ZNF701: variants seen among roughly 807,000 people sequenced by gnomAD.
ZNF701 encodes the protein zinc finger protein 701.
Under a neutral mutation model 7.1 loss-of-function variants are expected in ZNF701, and 6 were observed. The observed-to-expected ratio is 0.84, with a 90% confidence interval of 0.46 to 1.66. The LOEUF (loss-of-function observed/expected upper bound fraction) is 1.66, where lower values mean the gene tolerates loss of function less well. Ranked by LOEUF, ZNF701 falls within the 40% of genes most tolerant of loss-of-function variation. The probability of loss-of-function intolerance (pLI) is 0.01; values close to 1 mark genes in which losing one functional copy is unlikely to be tolerated. For synonymous variants in ZNF701, 166 were observed against 188.2 expected (o/e 0.88, Z 0.97); for missense variants, 541 against 559.2 (o/e 0.97, Z 0.33).
At chr19:52,578,039 G>C (rs1299025488) in intron 3 of ZNF701, among the ~76,000 whole-genome samples, 2 of 151,968 alleles carry the variant, frequency 1.3e-5, no homozygotes, top group African/African-American at 2.4e-5. Flanking sequence ...CAGATCAAGA[G>C]GTCAGGAGAT....
At chr19:52,570,808 A>AC (rs1289580581) in intron 1 of ZNF701, 4 of 152,204 alleles carry the variant, frequency 2.6e-5, no homozygotes, top group African/African-American at 9.7e-5. Context: ...GCCTTGCTGC[A>AC]CCCCAAGTCT....
At chr19:52,571,193 C>G (rs1296318054) in intron 1 of ZNF701, among the ~76,000 whole-genome samples, 1 of 150,258 alleles carries the variant, frequency 6.7e-6, no homozygotes, top group Non-Finnish European at 1.5e-5. Context: ...GGACAGACAG[C>G]AAGGTAGAGA....
the ZNF701 span, among the ~76,000 whole-genome samples, chr19:52,599,553 A>G: frequency 2.0e-5 from 3 of 152,168 alleles, no homozygotes; most frequent in African/African-American, 7.2e-5. Context: ...CTTGAAGTGT[A>G]TCTATCCGTA....
chr19:52,574,950 A>G (rs995054221), intron 2 of ZNF701, among the ~76,000 whole-genome samples: 1 of 89,016 alleles, frequency 1.1e-5, no homozygotes, highest in African/African-American at 8.1e-5. Context: ...CAAAATTTGC[A>G]TATATATATA....
At chr19:52,590,266 A>G (rs2060031946), downstream of ZNF701, among the ~76,000 whole-genome samples, 1 of 148,854 alleles carries the variant, frequency 6.7e-6, no homozygotes, top group African/African-American at 2.5e-5. Context: ...ACAACCAGCT[A>G]ATCTTTGTAT....
chr19:52,575,329 C>CAT (rs59297203), intron 2 of ZNF701, among the ~76,000 whole-genome samples: 34,385 of 151,512 alleles, frequency 0.23, 5,348 homozygotes, highest in African/African-American at 0.45. Context: ...TATACACACA[C>CAT]ATATATACAT....
At chr19:52,591,126 C>T (rs1354870768), downstream of ZNF701, among the ~76,000 whole-genome samples, 1 of 152,080 alleles carries the variant, frequency 6.6e-6, no homozygotes, top group Non-Finnish European at 1.5e-5. Context: ...GTGTGAGCCA[C>T]CACGCCTGGC....
intron 3 of ZNF701, among the ~76,000 whole-genome samples, chr19:52,581,216 C>T (rs548420516): frequency 2.0e-5 from 3 of 152,214 alleles, no homozygotes; most frequent in South Asian, 2.1e-4. Flanking sequence ...TAGAAAAATA[C>T]GGTGTTAACA....
At chr19:52,571,646 C>T (rs751745790) in intron 1 of ZNF701, among the ~76,000 whole-genome samples, 1 of 152,068 alleles carries the variant, frequency 6.6e-6, no homozygotes, top group Non-Finnish European at 1.5e-5. Flanking sequence ...AGGCGTGAGC[C>T]ACCGCACCTG....
chr19:52,570,494 T>A (rs747804659), intron 1 of ZNF701, among the ~76,000 whole-genome samples, 164 bp downstream of exon 1: 2 of 152,230 alleles, frequency 1.3e-5, no homozygotes, highest in Non-Finnish European at 2.9e-5. Context: ...CTTCCTTTTG[T>A]GTTTAAAGTC....
rs2060016561 is a variant in ZNF701 at position 52,587,005 on chromosome 19, C to G, written c.*3548C>G. ...TCTCCGCAGCTCTCTGCTGGGACAT[C>G]AAACAGGCATCTCCACCTTCATGTG... On this transcript the variant is annotated 3_prime_UTR_variant, in exon 4 of 4. Transcript: ENST00000391785. The G allele has an allele frequency of 6.6e-6, 1 of 152,198 alleles. No homozygotes were observed. Among genetic ancestry groups the G allele is most frequent in the Non-Finnish European group, 1.5e-5 (1 of 68,066 alleles). 9.4% of individuals were successfully genotyped at this position (152,198 alleles called of 1,614,324 possible).
At chr19:52,595,453 G>A in the ZNF701 span, among the ~76,000 whole-genome samples, 4 of 151,826 alleles carry the variant, frequency 2.6e-5, no homozygotes, top group African/African-American at 7.3e-5. Context: ...TGTATTTTTA[G>A]TACAGATAGG....
rs1469483276 is a variant in ZNF701 at position 52,585,064 on chromosome 19, C to G, written c.*1607C>G. On this transcript the variant is annotated 3_prime_UTR_variant, in exon 4 of 4. Transcript: ENST00000391785. Reference sequence around the variant, plus strand: ...CCGGCCCCTCTTTCTCAACTCAGAGCAAATTGAGACGTCCGGGTGGGAGTC... The same window carrying G: ...CCGGCCCCTCTTTCTCAACTCAGAGGAAATTGAGACGTCCGGGTGGGAGTC... 2 of 152,252 alleles carry G rather than the reference C, an allele frequency of 1.3e-5. No individual in the cohort carries two copies. Among genetic ancestry groups the G allele is most frequent in the African/African-American group, 2.4e-5 (1 of 41,456 alleles). The allele number at this position is 152,252 out of a possible 1,614,324, so 9.4% of individuals were successfully genotyped here.
At chr19:52,572,298 G>C in intron 1 of ZNF701, 2 of 907,492 alleles carry the variant, frequency 2.2e-6, no homozygotes, top group Non-Finnish European at 3.1e-6. Context: ...CAGGTGATCC[G>C]CCTGCCTCGG....
chr19:52,574,772 A>G (rs2059922410), intron 2 of ZNF701, among the ~76,000 whole-genome samples: 1 of 152,140 alleles, frequency 6.6e-6, no homozygotes, highest in African/African-American at 2.4e-5. Context: ...GATTTATTAA[A>G]CCATTCTTAG....
chr19:52,582,098 G>C (rs2059978776), intron 3 of ZNF701, 104 bp from the exon 4 acceptor site: 1 of 998,414 alleles, frequency 1.0e-6, no homozygotes, highest in Non-Finnish European at 1.4e-6. Flanking sequence ...GATCATGTTT[G>C]GGAAGTTTAA....
chr19:52,582,514 A>G lies in ZNF701; in HGVS notation c.455A>G (p.His152Arg), dbSNP rs139042881. 5 of 1,614,218 alleles carry G rather than the reference A, an allele frequency of 3.1e-6. No individual in the cohort carries two copies. In the East Asian group the frequency reaches 1.1e-4, roughly 36 times the overall value. ...TTTCATTCGCATCTGCCTGAAGTGC[A>G]CATATTTCACCCCGAAGGGAAAATT... ...SSFHSHLPEV[H>R]IFHPEGKIGN... The change falls in exon 4 of 4, where the codon CAC becomes CGC. Residue 152 changes from histidine (H) to arginine (R), a missense_variant. Physicochemically the swap from His to Arg is conservative, Grantham distance 29 (BLOSUM62 0). Coordinates refer to ENST00000391785, the MANE Select transcript of ZNF701 (RefSeq NM_018260.3).
At position 52,582,121 on chromosome 19, in the gene ZNF701, T is replaced by G. The variant is rs183365494; in HGVS notation, c.143-81T>G. The G allele has an allele frequency of 6.4e-4, 803 of 1,261,208 alleles. 13 individuals are homozygous for G. In the Admixed American group the frequency reaches 0.02, roughly 31 times the overall value. 78.1% of individuals were successfully genotyped at this position (1,261,208 alleles called of 1,614,324 possible). Reference sequence around the variant, plus strand: ...TTGGGAAGTTTAAAATAAGTATTGTTTTTTATGTAATATTTACACATTTCA... The same window carrying G: ...TTGGGAAGTTTAAAATAAGTATTGTGTTTTATGTAATATTTACACATTTCA... On this transcript the variant is annotated intron_variant, in intron 3 of 3. Transcript: ENST00000391785.
At position 52,585,458 on chromosome 19, in the gene ZNF701, G is replaced by A. The variant is rs895265864; in HGVS notation, c.*2001G>A. ...CCAGGAAAACGTGCTTCTCCTGGAG[G>A]CAACCCTCTTTTTCCACCCTCGCCC... On this transcript the variant is annotated 3_prime_UTR_variant, in exon 4 of 4. Transcript: ENST00000391785. The A allele has an allele frequency of 6.6e-6, 1 of 152,066 alleles. No homozygotes were observed. The allele number at this position is 152,066 out of a possible 1,614,324, so 9.4% of individuals were successfully genotyped here.
Sources: allele counts gnomAD v4.1 joint callset (sites outside exome capture counted in the v4.1 genomes callset), GRCh38; gene constraint gnomAD v4.1.1; transcripts MANE v1.5; gene names NCBI Gene and HGNC (gene_info 2026-07-23, HGNC 2026-07-21).